ERN1: variants seen among roughly 807,000 people sequenced by gnomAD.
The protein encoded by ERN1 is serine/threonine-protein kinase/endoribonuclease IRE1.
ERN1 carries 39 observed loss-of-function variants against 113.1 expected under a neutral mutation model. The ratio of observed to expected loss-of-function variants is 0.34; its 90% CI spans 0.27 to 0.45. The LOEUF (loss-of-function observed/expected upper bound fraction) is 0.45. ERN1 is among the 20% of genes least tolerant of loss of function. The probability of loss-of-function intolerance (pLI) is 1.00; values close to 1 mark genes in which losing one functional copy is unlikely to be tolerated. For missense variants in ERN1, 976 were observed against 1,274.8 expected, an observed-to-expected ratio of 0.77 and a Z score of 3.57; for synonymous variants, 507 against 515.9, an observed-to-expected ratio of 0.98 and a Z score of 0.23.
At chr17:64,073,074 C>T (rs1253900800) in intron 5 of ERN1, among the ~76,000 whole-genome samples, 1 of 150,502 alleles carries the variant, frequency 6.6e-6, no homozygotes, top group Non-Finnish European at 1.5e-5. Flanking sequence ...GGTGTGGTCA[C>T]GGCTCACTGC....
chr17:64,125,623 G>C (rs1468098302), intron 1 of ERN1, among the ~76,000 whole-genome samples: 2 of 152,150 alleles, frequency 1.3e-5, no homozygotes, highest in Admixed American at 1.3e-4. Context: ...CGAGTAGCTG[G>C]GATTACAGGT....
rs142391478 is a variant in ERN1, at chr17:64,120,112, C to G, written c.54+9864G>C. The stretch of plus-strand genomic sequence containing the variant: ...TGCCGGCCCCCACTCCCAGAGATTC[C>G]AATTTCATTCACATAGGATGGGGCC... On this transcript the variant is annotated intron_variant, in intron 1 of 21. Coordinates refer to ENST00000433197, the MANE Select transcript of ERN1 (RefSeq NM_001433.5). Among the ~76,000 whole-genome samples the G allele has an allele frequency of 4.7e-3, 718 of 152,062 alleles. 4 individuals are homozygous for G. Among genetic ancestry groups the G allele is most frequent in the African/African-American group, 0.016 (678 of 41,452 alleles).
At chr17:64,070,828 C>T (rs1294220073) in intron 6 of ERN1, among the ~76,000 whole-genome samples, 1 of 152,188 alleles carries the variant, frequency 6.6e-6, no homozygotes, top group East Asian at 1.9e-4. Context: ...TTCATGGCAT[C>T]CCCGACATGT....
At position 64,129,986 on chromosome 17, in the gene ERN1, G is replaced by GGCAGCAGCAGCGTCAGCA; in HGVS notation, c.26_43dup (p.Leu9_Leu14dup). On this transcript the variant is annotated inframe_insertion, in exon 1 of 22. Coordinates refer to ENST00000433197, the MANE Select transcript of ERN1 (RefSeq NM_001433.5). ...TCCCCGGTCACTCACCCCGAGGCCGGGCAGCAGCAGCGTCAGCAGCAGCAG... is the reference window on the plus strand; with the variant it reads ...TCCCCGGTCACTCACCCCGAGGCCGGGCAGCAGCAGCGTCAGCAGCAGCAGCAGCGTCAGCAGCAGCAG... The GGCAGCAGCAGCGTCAGCA allele has an allele frequency of 1.4e-6, 2 of 1,449,440 alleles. No homozygotes were observed. The highest frequency in any genetic ancestry group is 1.8e-6 in the Non-Finnish European group (2 of 1,106,888). The allele number at this position is 1,449,440 out of a possible 1,614,324, so 89.8% of individuals were successfully genotyped here. A position where few individuals can be genotyped will look rare whatever the true frequency, so the allele number is the denominator to read the frequency against.
chr17:64,123,682 ATAAC>A (rs1915007529), intron 1 of ERN1, among the ~76,000 whole-genome samples: 1 of 152,222 alleles, frequency 6.6e-6, no homozygotes, highest in Non-Finnish European at 1.5e-5. Flanking sequence ...TCTCCAGGAA[ATAAC>A]TAAGCACTTA....
At chr17:64,079,839 G>C in intron 3 of ERN1, 105 bp from the exon 4 acceptor site, 1 of 853,450 alleles carries the variant, frequency 1.2e-6, no homozygotes, top group Non-Finnish European at 1.9e-6. Flanking sequence ...AGTGGAGGGT[G>C]GTTGTGTGTA....
intron 1 of ERN1, among the ~76,000 whole-genome samples, chr17:64,108,467 C>T (rs1368773093): frequency 2.0e-5 from 3 of 152,116 alleles, no homozygotes; most frequent in Non-Finnish European, 4.4e-5. Flanking sequence ...GAAAACAAGC[C>T]CTTTTTCTTA....
chr17:64,080,514 T>C, intron 3 of ERN1: 1 of 432,302 alleles, frequency 2.3e-6, no homozygotes, highest in Non-Finnish European at 4.2e-6. Context: ...CCCTGAGGAC[T>C]TTGGAAGTTT....
At chr17:64,123,620 G>T (rs1278234376) in intron 1 of ERN1, among the ~76,000 whole-genome samples, 1 of 152,166 alleles carries the variant, frequency 6.6e-6, no homozygotes, top group East Asian at 1.9e-4. Context: ...GGCTGGGGGA[G>T]AGGGCTGTAA....
chr17:64,065,744 T>G (rs954703884), intron 8 of ERN1, among the ~76,000 whole-genome samples: 1 of 152,054 alleles, frequency 6.6e-6, no homozygotes, highest in Non-Finnish European at 1.5e-5. Context: ...ACAGAACTCC[T>G]GAGAAATGGT....
chr17:64,091,537 G>A (rs1419467110), intron 2 of ERN1, among the ~76,000 whole-genome samples: 2 of 152,130 alleles, frequency 1.3e-5, no homozygotes, highest in African/African-American at 4.8e-5. Flanking sequence ...CACAACAGAG[G>A]GTTCAGAAAA....
chr17:64,068,062 G>C (rs938209676), intron 7 of ERN1, 128 bp downstream of exon 7: 2 of 667,408 alleles, frequency 3.0e-6, no homozygotes, highest in Admixed American at 2.7e-5. Flanking sequence ...CCCATGAAAA[G>C]TCCATGGAAA....
intron 5 of ERN1, among the ~76,000 whole-genome samples, chr17:64,074,597 G>A (rs778973332): frequency 6.6e-6 from 1 of 152,174 alleles, no homozygotes; most frequent in Admixed American, 6.5e-5. Context: ...GTATAAATAC[G>A]GGCTATTATT....
chr17:64,061,243 C>T (rs903911901), intron 10 of ERN1, among the ~76,000 whole-genome samples: 1 of 152,200 alleles, frequency 6.6e-6, no homozygotes, highest in Admixed American at 6.5e-5. Context: ...ACAAAGCTGA[C>T]TAGAATAGGG....
At chr17:64,081,421 T>A (rs561117935) in intron 2 of ERN1, among the ~76,000 whole-genome samples, 4 of 152,220 alleles carry the variant, frequency 2.6e-5, no homozygotes, top group Non-Finnish European at 4.4e-5. Flanking sequence ...GATGTGTACG[T>A]AGCAGCATTA....
chr17:64,051,917 T>C (rs1274625407), intron 17 of ERN1, among the ~76,000 whole-genome samples: 2 of 152,224 alleles, frequency 1.3e-5, no homozygotes, highest in Non-Finnish European at 2.9e-5. Context: ...ACACAATGTA[T>C]TCCTTAGGAG....
intron 18 of ERN1, 82 bp from the exon 19 acceptor site, chr17:64,048,067 C>T (rs1033385440): frequency 1.7e-6 from 2 of 1,211,174 alleles, no homozygotes; most frequent in Non-Finnish European, 2.3e-6. Flanking sequence ...AAGCTGCACA[C>T]CCTCTCATTT....
chr17:64,068,203 G>A lies in ERN1; in HGVS notation c.567C>T (p.Asp189=), dbSNP rs1434022129. Residue 189 remains aspartate (D), a synonymous_variant, in exon 7 of 22, where the codon GAC becomes GAT. Coordinates refer to ENST00000433197, the MANE Select transcript of ERN1 (RefSeq NM_001433.5). ...GAGAGCACTTACTGTAGTCCACGTC[G>A]TCCTCAGGCAGTGAGGCCGCATAGT... ...YFDYAASLPE[D]DVDYKMSHFV... 3.1e-6 allele frequency: 5 copies of A among 1,609,426 alleles called. No homozygotes were observed. The highest frequency in any genetic ancestry group is 2.2e-5 in the East Asian group (1 of 44,784).
chr17:64,086,017 T>C (rs1472090104), intron 2 of ERN1, among the ~76,000 whole-genome samples: 2 of 152,190 alleles, frequency 1.3e-5, no homozygotes, highest in Non-Finnish European at 2.9e-5. Context: ...CACATCTCTA[T>C]AAAGGGACAA....
Sources: allele counts gnomAD v4.1 joint callset (sites outside exome capture counted in the v4.1 genomes callset), GRCh38; gene constraint gnomAD v4.1.1; transcripts MANE v1.5; gene names NCBI Gene and HGNC (gene_info 2026-07-23, HGNC 2026-07-21).